UMODL1: variants seen among roughly 807,000 people sequenced by gnomAD.
UMODL1 encodes uromodulin-like 1.
A neutral mutation model predicts 136.3 loss-of-function variants in UMODL1; 128 were observed. The observed-to-expected ratio is 0.94, with a 90% CI of 0.81 to 1.09. UMODL1 has a LOEUF of 1.09. Among genes scored for constraint, UMODL1 ranks in the 50% least tolerant of loss-of-function variants. UMODL1 has a pLI of 0.00. For missense variants in UMODL1, 1,766 were observed against 1,725.6 expected (o/e 1.02, Z -0.41); for synonymous variants, 721 against 720.0 (o/e 1.00, Z -0.02).
chr21:42,078,440 A>G (rs574150711), intron 2 of UMODL1, among the ~76,000 whole-genome samples: 3 of 41,628 alleles, frequency 7.2e-5, no homozygotes, highest in Non-Finnish European at 1.5e-4. Context: ...ACCAACAGAA[A>G]CCAGGCGGGG....
rs1174608722 is a variant in UMODL1, at chr21:42,085,456, G to A, written c.603+44G>A. The A allele has an allele frequency of 1.2e-6, 2 of 1,612,328 alleles. No individual in the cohort carries two copies. The highest frequency in any genetic ancestry group is 2.2e-5 in the East Asian group (1 of 44,870). On this transcript the variant is annotated intron_variant, in intron 4 of 22. Transcript: ENST00000408910. The surrounding 1 kb of genome is among the most constrained non-coding windows in gnomAD (Gnocchi z 4.5). ...GGCTGCCTGCACCCTCCTTGTGGCA[G>A]CTGCTCAGGCAGACCCAGGTATGGG...
chr21:42,115,981 G>A lies in UMODL1; in HGVS notation c.2471G>A (p.Arg824Lys). Residue 824 changes from arginine to lysine, a missense_variant, in exon 14 of 23, where the codon AGG becomes AAG. Arg to Lys is a conservative substitution (Grantham distance 26). Transcript: ENST00000408910. Reference protein sequence around the residue: ...EYRDFLELFFRMVRGSLPATM... With the variant: ...EYRDFLELFFKMVRGSLPATM... ...CGAGATTTCCTAGAACTATTCTTCA[G>A]GATGGTGAGTTGGTGATATCAGCCC... 1.2e-6 allele frequency: 2 copies of A among 1,612,040 alleles called. No individual in the cohort carries two copies. The highest frequency in any genetic ancestry group is 1.7e-6 in the Non-Finnish European group (2 of 1,178,498).
intron 6 of UMODL1, among the ~76,000 whole-genome samples, chr21:42,094,876 A>G (rs1181040849): frequency 1.3e-5 from 2 of 152,026 alleles, no homozygotes; most frequent in East Asian, 1.9e-4. Flanking sequence ...ACAAAGGCCC[A>G]TGAACTGGGT....
chr21:42,098,582 C>A (rs1435330061), intron 6 of UMODL1, among the ~76,000 whole-genome samples: 1 of 151,786 alleles, frequency 6.6e-6, no homozygotes, highest in Non-Finnish European at 1.5e-5. Context: ...TCCTGGCCAA[C>A]ATGGTGAAAC....
intron 7 of UMODL1, among the ~76,000 whole-genome samples, chr21:42,100,398 AC>A (rs1384575279): frequency 6.6e-6 from 1 of 151,808 alleles, no homozygotes; most frequent in Non-Finnish European, 1.5e-5. Flanking sequence ...TCGGCCCTAC[AC>A]CCTTTTCAAA....
intron 1 of UMODL1, 89 bp downstream of exon 1, chr21:42,071,481 G>A: frequency 7.6e-7 from 1 of 1,319,372 alleles, no homozygotes. Context: ...GTGGAGACCT[G>A]GGCAGGCAAG....
chr21:42,084,729 T>C (rs943339255), intron 3 of UMODL1, among the ~76,000 whole-genome samples: 42 of 150,992 alleles, frequency 2.8e-4, no homozygotes, highest in Admixed American at 2.8e-3. Context: ...CATATATATA[T>C]ATGTATAATG....
chr21:42,080,911 G>T (rs2066354099), intron 2 of UMODL1, among the ~76,000 whole-genome samples: 1 of 152,222 alleles, frequency 6.6e-6, no homozygotes, highest in Admixed American at 6.5e-5. Flanking sequence ...AGCATTCATT[G>T]AGCAAGCTCT....
chr21:42,074,418 A>G (rs1057425768), intron 1 of UMODL1, among the ~76,000 whole-genome samples: 2 of 152,184 alleles, frequency 1.3e-5, no homozygotes, highest in African/African-American at 4.8e-5. Context: ...GGGGTTTAGG[A>G]CTTTAACACA....
At position 42,065,199 on chromosome 21, in the gene UMODL1, C is replaced by T. The variant is rs539527684; in HGVS notation, c.-141+1985C>T. On this transcript the variant is annotated intron_variant, in intron 1 of 22. Transcript: ENST00000400424. ...AGCTGCCTGTTGCGATGAGGGCTGG[C>T]GGGGAACGATCCCCTCTGAGTTTGG... Among the ~76,000 whole-genome samples the T allele has an allele frequency of 8.5e-5, 13 of 152,326 alleles. No individual in the cohort carries two copies. The East Asian group carries it at 1.3e-3, about 16-fold the overall frequency.
At chr21:42,091,025 C>T (rs2066485642) in intron 6 of UMODL1, among the ~76,000 whole-genome samples, 1 of 152,210 alleles carries the variant, frequency 6.6e-6, no homozygotes, top group South Asian at 2.1e-4. Flanking sequence ...CTTCAGACCA[C>T]AGGGACTCTT....
At position 42,111,013 on chromosome 21, in the gene UMODL1, C is replaced by A. The variant is rs1384639838; in HGVS notation, c.1791C>A (p.Gly597=). Reference sequence around the variant, plus strand: ...CACCCAGTCCTGGGTACCCTCAGGGCACCCCGGCAGCAGGCCAGGCCTGGA... The same window carrying A: ...CACCCAGTCCTGGGTACCCTCAGGGAACCCCGGCAGCAGGCCAGGCCTGGA... The part of the protein sequence containing the change: ...TLSPSPGYPQ[G]TPAAGQAWTP... The change falls in exon 11 of 23, where the codon GGC becomes GGA. Residue 597 remains glycine, a synonymous_variant. Transcript: ENST00000408910. 1.2e-6 allele frequency: 2 copies of A among 1,612,920 alleles called. No homozygotes were observed. Among genetic ancestry groups the A allele is most frequent in the Admixed American group, 3.3e-5 (2 of 59,862 alleles).
chr21:42,080,776 T>C (rs1026891577), intron 2 of UMODL1, among the ~76,000 whole-genome samples: 1 of 152,252 alleles, frequency 6.6e-6, no homozygotes, highest in South Asian at 2.1e-4. Context: ...GGATGGCCAC[T>C]GTGTCCAAGA....
chr21:42,122,782 A>T lies in UMODL1; in HGVS notation c.2828-49A>T. 1 of 1,530,998 alleles carries T rather than the reference A, an allele frequency of 6.5e-7. No homozygotes were observed. Among genetic ancestry groups the T allele is most frequent in the Non-Finnish European group, 8.8e-7 (1 of 1,138,396 alleles). 94.8% of individuals were successfully genotyped at this position (1,530,998 alleles called of 1,614,324 possible). A position where few individuals can be genotyped will look rare whatever the true frequency, so the allele number is the denominator to read the frequency against. The stretch of plus-strand genomic sequence containing the variant: ...TCCTTACCCCTGCCCCTCCATGCCA[A>T]CCCCAAACACAGAGCCACTCTTTGC... On this transcript the variant is annotated intron_variant, in intron 16 of 22. Coordinates refer to ENST00000408910, the MANE Select transcript of UMODL1 (RefSeq NM_001004416.3). The surrounding 1 kb of genome is among the most constrained non-coding windows in gnomAD (Gnocchi z 4.3).
chr21:42,081,161 C>A (rs535688263), intron 2 of UMODL1, among the ~76,000 whole-genome samples: 125 of 152,304 alleles, frequency 8.2e-4, no homozygotes, highest in South Asian at 6.8e-3. Context: ...CCCAGAGGAC[C>A]AGGAGACTCC....
chr21:42,130,768 C>T (rs1293358047), intron 21 of UMODL1, among the ~76,000 whole-genome samples: 1 of 151,468 alleles, frequency 6.6e-6, no homozygotes, highest in African/African-American at 2.4e-5. Flanking sequence ...CCCAGGACAC[C>T]ATGGGCAAGT....
At chr21:42,082,946 G>A (rs984582713) in intron 2 of UMODL1, among the ~76,000 whole-genome samples, 10 of 152,134 alleles carry the variant, frequency 6.6e-5, no homozygotes, top group African/African-American at 9.7e-5. Flanking sequence ...AAAGCCCACC[G>A]TGGCCTCCCC....
chr21:42,137,960 C>G (rs76404978), intron 22 of UMODL1, among the ~76,000 whole-genome samples: 2 of 152,122 alleles, frequency 1.3e-5, no homozygotes, highest in East Asian at 3.9e-4. Flanking sequence ...AAAAAGCAAC[C>G]AGGAGCAGGC....
chr21:42,128,828 C>T (rs988037984), intron 20 of UMODL1, among the ~76,000 whole-genome samples: 10 of 152,198 alleles, frequency 6.6e-5, no homozygotes, highest in South Asian at 2.1e-4. Flanking sequence ...TTTTCAAGCT[C>T]CTTTAGGATG....
Sources: allele counts gnomAD v4.1 joint callset (sites outside exome capture counted in the v4.1 genomes callset), GRCh38; gene constraint gnomAD v4.1.1; non-coding constraint Gnocchi (gnomAD v3.1); transcripts MANE v1.5; gene names NCBI Gene and HGNC (gene_info 2026-07-23, HGNC 2026-07-21).